Variants in ADAD2 observed in about 807,000 individuals in gnomAD.
The protein encoded by ADAD2 is adenosine deaminase domain-containing protein 2.
ADAD2 carries 60 observed loss-of-function variants against 54.5 expected under a neutral mutation model. The observed-to-expected ratio is 1.10, with a 90% confidence interval of 0.89 to 1.36. The LOEUF is 1.36. Ranked by LOEUF, ADAD2 falls within the 40% of genes most tolerant of loss-of-function variation. The pLI is 0.00. For synonymous variants in ADAD2, 543 were observed against 366.2 expected (o/e 1.48, Z -5.51); for missense variants, 1,103 against 801.3 (o/e 1.38, Z -4.54).
chr16:84,196,467 C>T (rs1160034127), intron 8 of ADAD2, 97 bp downstream of exon 8: 1 of 696,410 alleles, frequency 1.4e-6, no homozygotes, highest in African/African-American at 6.8e-5. Context: ...CAGCGCAACC[C>T]CTTCGCTCAA....
In ADAD2 at chr16:84,193,890, T is replaced by C. The variant is rs545958626; in HGVS notation, c.419-552T>C. 1.5e-5 allele frequency: 17 copies of C among 1,159,464 alleles called. No homozygotes were observed. In the South Asian group the frequency reaches 2.4e-4, roughly 16 times the overall value. 71.8% of individuals were successfully genotyped at this position (1,159,464 alleles called of 1,614,324 possible). ...GAGGGGCAGTCCTTGGGAGAAACAA[T>C]TTAGCAGCAAGTACTGTGAAATTAA... On this transcript the variant is annotated intron_variant, in intron 1 of 9. Coordinates refer to ENST00000315906, the MANE Select transcript of ADAD2 (RefSeq NM_001145400.2).
In ADAD2 at chr16:84,196,040, C is replaced by T. The variant is rs1401201832; in HGVS notation, c.1278C>T (p.Ile426=). 6.3e-7 allele frequency: 1 copy of T among 1,599,284 alleles called. No individual in the cohort carries two copies. Among genetic ancestry groups the T allele is most frequent in the African/African-American group, 1.3e-5 (1 of 75,018 alleles). Residue 426 remains isoleucine, a synonymous_variant, in exon 7 of 10, where the codon ATC becomes ATT. Transcript: ENST00000315906. Reference sequence around the variant, plus strand: ...CCCCACTCTACAGCACCAGCCTCATCCTGGGTGAGCACGTGGTGAGGGCTG... The same window carrying T: ...CCCCACTCTACAGCACCAGCCTCATTCTGGGTGAGCACGTGGTGAGGGCTG... The part of the protein sequence containing the change: ...LVSPLYSTSL[I]LADSCHDPPT...
chr16:84,191,298 T>G lies in ADAD2; in HGVS notation c.68T>G (p.Leu23Trp). The G allele has an allele frequency of 6.2e-7, 1 of 1,601,526 alleles. No individual in the cohort carries two copies. ...AGGAAGCCCCGCCTGGCTGCATCGT[T>G]GCAGATCAGCCCCCAGCCCCGCCCC... ...SRRKPRLAAS[L>W]QISPQPRPWR... The change falls in exon 1 of 10, where the codon TTG (leucine) becomes TGG (tryptophan). Residue 23 changes from leucine to tryptophan, a missense_variant. Leu to Trp is a moderately conservative substitution (Grantham distance 61). Transcript: ENST00000315906.
chr16:84,197,060 A>G lies in ADAD2; in HGVS notation c.*86A>G, dbSNP rs1324441016. ...CTATCTGAGGAGCGTTGTGGGGAGA[A>G]CATGGGTTGTGCGGGGTGAAACTGG... On this transcript the variant is annotated 3_prime_UTR_variant, in exon 10 of 10. Coordinates refer to ENST00000315906, the MANE Select transcript of ADAD2 (RefSeq NM_001145400.2). 1.4e-6 allele frequency: 2 copies of G among 1,380,030 alleles called. No individual in the cohort carries two copies. The highest frequency in any genetic ancestry group is 1.4e-5 in the African/African-American group (1 of 69,186). The allele number at this position is 1,380,030 out of a possible 1,614,324, so 85.5% of individuals were successfully genotyped here. A position where few individuals can be genotyped will look rare whatever the true frequency, so the allele number is the denominator to read the frequency against.
chr16:84,194,268 C>G, intron 1 of ADAD2, 174 bp from the exon 2 acceptor site: 1 of 1,552,718 alleles, frequency 6.4e-7, no homozygotes, highest in Non-Finnish European at 8.7e-7. Context: ...TGCAGAGGCA[C>G]TCAAGGGTGT....
At chr16:84,195,741 G>A (rs768481485) in intron 6 of ADAD2, 44 bp downstream of exon 6, 8 of 1,532,160 alleles carry the variant, frequency 5.2e-6, no homozygotes, top group East Asian at 2.3e-5. Flanking sequence ...GGCTCCCTCG[G>A]TTGGGCTGCT....
At chr16:84,196,464 ACCCC>A in intron 8 of ADAD2, 94 bp downstream of exon 8, 2 of 699,916 alleles carry the variant, frequency 2.9e-6, no homozygotes, top group African/African-American at 6.9e-5. Context: ...TCCCAGCGCA[ACCCC>A]TTCGCTCAAC....
intron 1 of ADAD2, chr16:84,193,955 T>A (rs1011224702): frequency 2.7e-6 from 4 of 1,488,672 alleles, no homozygotes; most frequent in African/African-American, 1.4e-5. Flanking sequence ...TCCAGATTTT[T>A]CATCTCTCTT....
At chr16:84,193,790 G>T (rs2089687804) in intron 1 of ADAD2, 1 of 465,186 alleles carries the variant, frequency 2.1e-6, no homozygotes, top group East Asian at 3.3e-5. Context: ...TGGTTTTGAT[G>T]CCTGTTTAGA....
intron 1 of ADAD2, chr16:84,192,650 C>T (rs891347831): frequency 6.6e-6 from 1 of 150,904 alleles, no homozygotes; most frequent in African/African-American, 2.4e-5. Context: ...AAGTGATTCT[C>T]CTACCTCAGC....
At chr16:84,193,868 G>C in intron 1 of ADAD2, 1 of 923,066 alleles carries the variant, frequency 1.1e-6, no homozygotes, top group Non-Finnish European at 1.6e-6. Context: ...ACCCCCAGAG[G>C]GGCAGTCCTT....
chr16:84,196,495 T>A (rs887603613), intron 8 of ADAD2, 125 bp downstream of exon 8: 4 of 1,424,694 alleles, frequency 2.8e-6, no homozygotes, highest in Admixed American at 2.0e-5. Context: ...GCTCAACCCC[T>A]TCCTAGCTCC....
At chr16:84,194,799 C>T in intron 2 of ADAD2, 134 bp from the exon 3 acceptor site, 1 of 1,274,120 alleles carries the variant, frequency 7.8e-7, no homozygotes, top group Non-Finnish European at 1.1e-6. Context: ...GGGGTAGGGA[C>T]CGCTAGAAGA....
chr16:84,191,790 A>G (rs1223205421), intron 1 of ADAD2, 142 bp downstream of exon 1: 11 of 1,283,758 alleles, frequency 8.6e-6, no homozygotes, highest in Non-Finnish European at 1.2e-5. Flanking sequence ...ACCTGGCCTG[A>G]GCTTGGGACC....
chr16:84,191,307 G>GC lies in ADAD2; in HGVS notation c.82dup (p.Gln28ProfsTer136), dbSNP rs754783785. On this transcript the variant is annotated frameshift_variant, in exon 1 of 10. Coordinates refer to ENST00000315906, the MANE Select transcript of ADAD2 (RefSeq NM_001145400.2). LOFTEE classifies it high-confidence loss of function. The stretch of plus-strand genomic sequence containing the variant: ...CGCCTGGCTGCATCGTTGCAGATCA[G>GC]CCCCCAGCCCCGCCCCTGGCGACCG... 2.8e-4 allele frequency: 440 copies of GC among 1,589,988 alleles called. No homozygotes were observed. The highest frequency in any genetic ancestry group is 3.7e-4 in the Non-Finnish European group (431 of 1,167,424).
chr16:84,196,416 T>C, intron 8 of ADAD2, 46 bp downstream of exon 8: 1 of 1,582,652 alleles, frequency 6.3e-7, no homozygotes, highest in East Asian at 2.2e-5. Flanking sequence ...GTGCTGGTGA[T>C]GGAGGGCTCA....
In ADAD2 at chr16:84,196,838, C is replaced by T. The variant is rs369656997; in HGVS notation, c.1648-32C>T. 2.9e-4 allele frequency: 463 copies of T among 1,594,486 alleles called. 1 individual carries two copies. In the African/African-American group the frequency reaches 5.2e-3, roughly 18 times the overall value. On this transcript the variant is annotated intron_variant, in intron 9 of 9. Coordinates refer to ENST00000315906, the MANE Select transcript of ADAD2 (RefSeq NM_001145400.2). ...CAGTCCCTGCCCCCTGCAGGTACCT[C>T]CTCTCACCCCACCTCTCATCTCCCG...
Position 84,195,291 on chromosome 16 carries a change from C to T in ADAD2, c.734-5C>T. On this transcript the variant is annotated splice_region_variant and splice_polypyrimidine_tract_variant and intron_variant, in intron 4 of 9. Transcript: ENST00000315906. Reference sequence around the variant, plus strand: ...GCTGGGCCGTCTCTGCCCCCTCCTGCACAGAGATCCCGCGTGCCAGGGGCC... The same window carrying T: ...GCTGGGCCGTCTCTGCCCCCTCCTGTACAGAGATCCCGCGTGCCAGGGGCC... 1 of 1,612,128 alleles carries T rather than the reference C, an allele frequency of 6.2e-7. No individual in the cohort carries two copies. The highest frequency in any genetic ancestry group is 8.5e-7 in the Non-Finnish European group (1 of 1,179,876).
At position 84,195,873 on chromosome 16, in the gene ADAD2, C is replaced by A; in HGVS notation, c.1111C>A (p.His371Asn). 6.2e-7 allele frequency: 1 copy of A among 1,605,478 alleles called. No homozygotes were observed. Residue 371 changes from histidine (H) to asparagine (N), a missense_variant, in exon 7 of 10, where the codon CAT becomes AAT. Coordinates refer to ENST00000315906, the MANE Select transcript of ADAD2 (RefSeq NM_001145400.2). ...CAGCCCACCCATGCGCCTGCAGGCC[C>A]ATGTGCTCGGGCAGCTGAAGCCTGT... ...PHSPPMRLQAHVLGQLKPVCY... is the reference protein window; with the variant it reads ...PHSPPMRLQANVLGQLKPVCY...
Sources: allele counts gnomAD v4.1 joint callset, GRCh38; gene constraint gnomAD v4.1.1; transcripts MANE v1.5; gene names NCBI Gene and HGNC (gene_info 2026-07-23, HGNC 2026-07-21).